The following BCKDHB variants were observed in gnomAD, a reference collection of about 807,000 sequenced individuals.
BCKDHB encodes branched chain keto acid dehydrogenase E1 subunit beta, also known as 2-oxoisovalerate dehydrogenase subunit beta, mitochondrial.
A neutral mutation model predicts 48.5 loss-of-function variants in BCKDHB; 41 were observed. That is an observed-to-expected ratio of 0.85 (90% CI 0.66 to 1.10). BCKDHB has a LOEUF of 1.10. BCKDHB is among the 50% of genes least tolerant of loss of function. The probability of loss-of-function intolerance (pLI) is 0.00; values close to 1 mark genes in which losing one functional copy is unlikely to be tolerated. For synonymous variants in BCKDHB, 201 were observed against 174.8 expected (o/e 1.15, Z -1.18); for missense variants, 496 against 494.2 (o/e 1.00, Z -0.03).
At position 80,345,113 on chromosome 6, in the gene BCKDHB, T is replaced by C. The variant is rs1052551878; in HGVS notation, c.*1309T>C. On this transcript the variant is annotated 3_prime_UTR_variant, in exon 10 of 10. Transcript: ENST00000320393. ...TTCATCATGATTTTCTAAGTAATGC[T>C]TATCAGCCCCTTCAGTGGTGTTATT... 6.6e-6 allele frequency: 1 copy of C among 152,362 alleles called. No homozygotes were observed. The highest frequency in any genetic ancestry group is 6.5e-5 in the Admixed American group (1 of 15,310). The allele number at this position is 152,362 out of a possible 1,614,324, so 9.4% of individuals were successfully genotyped here. A position where few individuals can be genotyped will look rare whatever the true frequency, so the allele number is the denominator to read the frequency against.
At chr6:80,380,836 G>C in the BCKDHB span, among the ~76,000 whole-genome samples, 12 of 151,760 alleles carry the variant, frequency 7.9e-5, no homozygotes, top group African/African-American at 2.7e-4. Flanking sequence ...TCTTAATTTC[G>C]TGTTCAGATT....
chr6:80,256,825 TA>T (rs918461785), intron 8 of BCKDHB, among the ~76,000 whole-genome samples: 1 of 152,196 alleles, frequency 6.6e-6, no homozygotes, highest in Non-Finnish European at 1.5e-5. Context: ...TTAGCCATAA[TA>T]AATGAAGTTG....
At chr6:80,329,153 T>G (rs1297337317) in intron 9 of BCKDHB, among the ~76,000 whole-genome samples, 2 of 152,196 alleles carry the variant, frequency 1.3e-5, no homozygotes, top group African/African-American at 4.8e-5. Context: ...TCCAATTACT[T>G]ACAAACTACA....
chr6:80,422,473 G>A, the BCKDHB span, among the ~76,000 whole-genome samples: 1 of 152,160 alleles, frequency 6.6e-6, no homozygotes, highest in Non-Finnish European at 1.5e-5. Context: ...CTGTGAGAAG[G>A]CCACCATCCT....
At chr6:80,115,041 C>T (rs546740132) in intron 1 of BCKDHB, among the ~76,000 whole-genome samples, 3 of 152,348 alleles carry the variant, frequency 2.0e-5, no homozygotes, top group East Asian at 1.9e-4. Context: ...GTTGACCCTT[C>T]CTCATCCTCT....
intron 9 of BCKDHB, among the ~76,000 whole-genome samples, chr6:80,291,537 A>C (rs1766916237): frequency 6.6e-6 from 1 of 152,234 alleles, no homozygotes; most frequent in Non-Finnish European, 1.5e-5. Context: ...AAACTAAATA[A>C]GAAGGTTTTC....
At chr6:80,453,447 G>A in the BCKDHB span, among the ~76,000 whole-genome samples, 2 of 152,132 alleles carry the variant, frequency 1.3e-5, no homozygotes, top group East Asian at 3.9e-4. Flanking sequence ...TTAGGGCATG[G>A]CATTAATGAC....
chr6:80,178,924 T>A (rs1773289089), intron 6 of BCKDHB, among the ~76,000 whole-genome samples: 1 of 152,226 alleles, frequency 6.6e-6, no homozygotes, highest in African/African-American at 2.4e-5. Context: ...TATTATTGAA[T>A]GGAGGACATA....
intron 3 of BCKDHB, among the ~76,000 whole-genome samples, chr6:80,166,693 A>G (rs2127772223): frequency 6.6e-6 from 1 of 152,180 alleles, no homozygotes; most frequent in South Asian, 2.1e-4. Context: ...AATTTTTTGA[A>G]TGATCTTTTT....
At chr6:80,311,311 C>A (rs993787809) in intron 9 of BCKDHB, among the ~76,000 whole-genome samples, 1 of 152,122 alleles carries the variant, frequency 6.6e-6, no homozygotes, top group Non-Finnish European at 1.5e-5. Flanking sequence ...TGCCCAGTCT[C>A]GGGTATGCCT....
intron 6 of BCKDHB, among the ~76,000 whole-genome samples, chr6:80,181,031 T>G (rs1362403587): frequency 2.0e-5 from 3 of 152,214 alleles, no homozygotes; most frequent in Admixed American, 2.0e-4. Flanking sequence ...TCCAAGCATC[T>G]TTCCCCACAG....
At chr6:80,303,000 G>T (rs1454289428) in intron 9 of BCKDHB, among the ~76,000 whole-genome samples, 1 of 152,010 alleles carries the variant, frequency 6.6e-6, no homozygotes, top group Non-Finnish European at 1.5e-5. Flanking sequence ...TAAAAAAAGA[G>T]CAGAATTTCC....
At chr6:80,380,519 G>T in the BCKDHB span, among the ~76,000 whole-genome samples, 4 of 151,822 alleles carry the variant, frequency 2.6e-5, no homozygotes, top group Non-Finnish European at 5.9e-5. Flanking sequence ...TCTGGATATT[G>T]TTCTAAGGAA....
chr6:80,132,231 C>T (rs1021177098), intron 3 of BCKDHB, among the ~76,000 whole-genome samples: 1 of 151,874 alleles, frequency 6.6e-6, no homozygotes, highest in South Asian at 2.1e-4. Context: ...TCTTCCGGAC[C>T]CTCCAAGCAG....
In BCKDHB at chr6:80,179,024, T is replaced by G. The variant is rs1582296197; in HGVS notation, c.742+7634T>G. On this transcript the variant is annotated intron_variant, in intron 6 of 9. Transcript: ENST00000320393. ...AGTTTCCCACATAATTAAAATGATCTTATTTTTTATTTTTTCGAGACAGGG... is the reference window on the plus strand; with the variant it reads ...AGTTTCCCACATAATTAAAATGATCGTATTTTTTATTTTTTCGAGACAGGG... 2.0e-5 allele frequency among the ~76,000 whole-genome samples: 3 copies of G among 152,298 alleles called. No individual in the cohort carries two copies. In the East Asian group the frequency reaches 5.8e-4, roughly 29 times the overall value.
At chr6:80,393,844 A>G in the BCKDHB span, among the ~76,000 whole-genome samples, 3 of 152,118 alleles carry the variant, frequency 2.0e-5, no homozygotes, top group African/African-American at 4.8e-5. Context: ...TTCTTGGTTT[A>G]TTTGTTTTAG....
the BCKDHB span, among the ~76,000 whole-genome samples, chr6:80,351,525 G>A: frequency 6.6e-6 from 1 of 152,088 alleles, no homozygotes; most frequent in Non-Finnish European, 1.5e-5. Flanking sequence ...AGACTGGGCA[G>A]TCGTAGGACA....
intron 9 of BCKDHB, among the ~76,000 whole-genome samples, chr6:80,309,911 G>A (rs1225050111): frequency 6.6e-6 from 1 of 151,976 alleles, no homozygotes; most frequent in Middle Eastern, 3.2e-3. Flanking sequence ...ATGTTCATGT[G>A]TACTCAATGT....
At chr6:80,304,161 CAT>C (rs1274515044) in intron 9 of BCKDHB, among the ~76,000 whole-genome samples, 4 of 152,046 alleles carry the variant, frequency 2.6e-5, no homozygotes, top group East Asian at 3.9e-4. Flanking sequence ...AGAAAGTAGA[CAT>C]GTGAGCAATA....
Sources: allele counts gnomAD v4.1 joint callset (sites outside exome capture counted in the v4.1 genomes callset), GRCh38; gene constraint gnomAD v4.1.1; transcripts MANE v1.5; gene names NCBI Gene and HGNC (gene_info 2026-07-23, HGNC 2026-07-21).